The following ARHGAP32 variants were observed in gnomAD, a reference collection of about 807,000 sequenced individuals.
ARHGAP32 encodes the protein Rho GTPase activating protein 32.
A neutral mutation model predicts 186.5 loss-of-function variants in ARHGAP32; 51 were observed. The ratio of observed to expected loss-of-function variants is 0.27; its 90% CI spans 0.22 to 0.35. ARHGAP32 has a LOEUF of 0.35. Ranked by LOEUF, ARHGAP32 falls within the 10% of genes least tolerant of loss-of-function variation. ARHGAP32 has a pLI of 1.00. For synonymous variants in ARHGAP32, 950 were observed against 964.3 expected (o/e 0.99, Z 0.27); for missense variants, 2,186 against 2,623.5 (o/e 0.83, Z 3.64).
At chr11:129,080,517 G>A (rs1451698864) in intron 6 of ARHGAP32, among the ~76,000 whole-genome samples, 4 of 152,094 alleles carry the variant, frequency 2.6e-5, no homozygotes, top group African/African-American at 7.2e-5. Flanking sequence ...GGTCAACAAT[G>A]AAATTAAGAT....
intron 5 of ARHGAP32, among the ~76,000 whole-genome samples, chr11:129,118,367 C>A (rs1942430446): frequency 6.6e-6 from 1 of 151,266 alleles, no homozygotes; most frequent in African/African-American, 2.4e-5. Context: ...ATTCAAGAAA[C>A]AAAAGGAAAG....
At position 129,168,931 on chromosome 11, in the gene ARHGAP32, C is replaced by T. The variant is rs180703720; in HGVS notation, c.117-4504G>A. ...TAACTCATAAATCAAACATAAAAAT[C>T]ACAATGGAAATTAGAAAGTCTTTTT... On this transcript the variant is annotated intron_variant, in intron 1 of 22. Coordinates refer to ENST00000682385, the MANE Select transcript of ARHGAP32 (RefSeq NM_001378024.1). Among the ~76,000 whole-genome samples, 66 of 151,892 alleles carry T rather than the reference C, an allele frequency of 4.3e-4. 2 individuals carry two copies. In the East Asian group the frequency reaches 0.012, roughly 28 times the overall value.
intron 1 of ARHGAP32, among the ~76,000 whole-genome samples, chr11:129,268,338 A>G (rs904586972): frequency 6.6e-5 from 10 of 152,206 alleles, no homozygotes; most frequent in African/African-American, 2.4e-4. Context: ...TAGTGTTCCA[A>G]TTTCATAGAA....
intron 1 of ARHGAP32, among the ~76,000 whole-genome samples, chr11:129,258,718 C>G (rs1214402831): frequency 6.6e-6 from 1 of 152,156 alleles, no homozygotes; most frequent in Admixed American, 6.5e-5. Context: ...AATCGAGACT[C>G]AAAGCTAAAC....
chr11:129,069,272 A>C (rs1460670169), intron 6 of ARHGAP32, among the ~76,000 whole-genome samples: 1 of 152,076 alleles, frequency 6.6e-6, no homozygotes, highest in African/African-American at 2.4e-5. Context: ...CTAGGACCAC[A>C]ATGTCCCAAT....
intron 15 of ARHGAP32, 41 bp downstream of exon 15, chr11:128,985,962 C>T (rs761165320): frequency 4.3e-5 from 64 of 1,495,214 alleles, no homozygotes; most frequent in East Asian, 2.6e-5. Context: ...ACAGGTCAAC[C>T]GACTTCTACC....
At chr11:129,011,367 C>T (rs1215519283) in intron 11 of ARHGAP32, among the ~76,000 whole-genome samples, 1 of 152,096 alleles carries the variant, frequency 6.6e-6, no homozygotes, top group Non-Finnish European at 1.5e-5. Flanking sequence ...ATGATACTGC[C>T]TAAATGAAGG....
intron 11 of ARHGAP32, among the ~76,000 whole-genome samples, chr11:129,004,325 C>T (rs1236041868): frequency 2.1e-5 from 3 of 144,182 alleles, no homozygotes; most frequent in Non-Finnish European, 4.5e-5. Flanking sequence ...AATCCACATG[C>T]TGAGGAGAAG....
At chr11:129,175,314 G>T (rs1434299164) in intron 1 of ARHGAP32, among the ~76,000 whole-genome samples, 8 of 47,162 alleles carry the variant, frequency 1.7e-4, no homozygotes, top group African/African-American at 7.1e-4. Flanking sequence ...ATCTATGTCT[G>T]ATTGGTGTAC....
chr11:129,033,595 C>T (rs1235284756), intron 11 of ARHGAP32, among the ~76,000 whole-genome samples: 3 of 152,126 alleles, frequency 2.0e-5, no homozygotes, highest in Non-Finnish European at 4.4e-5. Context: ...TGATAAAGTT[C>T]TTCCTTTTAA....
At chr11:129,151,293 A>C (rs1457351972) in intron 2 of ARHGAP32, among the ~76,000 whole-genome samples, 1 of 152,198 alleles carries the variant, frequency 6.6e-6, no homozygotes, top group Non-Finnish European at 1.5e-5. Context: ...GGGAAATTCA[A>C]TATTCCACTG....
In ARHGAP32 at chr11:129,063,923, G is replaced by A. The variant is rs572001785; in HGVS notation, c.864C>T (p.Ala288=). The A allele has an allele frequency of 3.1e-6, 5 of 1,610,940 alleles. No individual in the cohort carries two copies. In the African/African-American group the frequency reaches 5.4e-5, roughly 17 times the overall value. The part of the protein sequence containing the change: ...AHVIKRYTAR[A]PDELTLEVGD... The stretch of plus-strand genomic sequence containing the variant: ...TTACCTCTAAGGTCAGTTCGTCAGG[G>A]GCCCGAGCAGTGTACCTCTTGATAA... The change falls in exon 9 of 23, where the codon GCC becomes GCT. Residue 288 remains alanine (A), a synonymous_variant. Transcript: ENST00000682385.
chr11:129,225,148 G>T (rs1276431104), intron 1 of ARHGAP32, among the ~76,000 whole-genome samples: 1 of 152,084 alleles, frequency 6.6e-6, no homozygotes, highest in Non-Finnish European at 1.5e-5. Flanking sequence ...TAATGTTGTG[G>T]CTGCCTGAAA....
At chr11:129,149,306 C>T (rs1943239706) in intron 2 of ARHGAP32, among the ~76,000 whole-genome samples, 1 of 152,192 alleles carries the variant, frequency 6.6e-6, no homozygotes, top group Non-Finnish European at 1.5e-5. Flanking sequence ...CTCCATTTGA[C>T]AACTTTACTG....
At chr11:129,227,706 T>C (rs370456489) in intron 1 of ARHGAP32, among the ~76,000 whole-genome samples, 4 of 152,148 alleles carry the variant, frequency 2.6e-5, no homozygotes, top group African/African-American at 7.2e-5. Flanking sequence ...AGAGGTAAAT[T>C]TGTAGCAGAC....
intron 1 of ARHGAP32, among the ~76,000 whole-genome samples, chr11:129,191,305 T>G (rs1433597784): frequency 1.3e-5 from 2 of 151,658 alleles, no homozygotes; most frequent in African/African-American, 4.8e-5. Context: ...TACTCAAAGG[T>G]ATTACATCGC....
chr11:129,169,414 G>A lies in ARHGAP32; in HGVS notation c.117-4987C>T, dbSNP rs549774309. Among the ~76,000 whole-genome samples the A allele has an allele frequency of 1.3e-4, 20 of 152,008 alleles. No homozygotes were observed. The East Asian group carries it at 3.3e-3, about 25-fold the overall frequency. On this transcript the variant is annotated intron_variant, in intron 1 of 22. Coordinates refer to ENST00000682385, the MANE Select transcript of ARHGAP32 (RefSeq NM_001378024.1). ...TGGGAGGCTGAGGCGGGTGGATCACGAGGTCAGGAGATCAAGACCATCCTG... is the reference window on the plus strand; with the variant it reads ...TGGGAGGCTGAGGCGGGTGGATCACAAGGTCAGGAGATCAAGACCATCCTG...
chr11:129,214,128 A>G (rs1944615069), intron 1 of ARHGAP32, among the ~76,000 whole-genome samples: 1 of 152,168 alleles, frequency 6.6e-6, no homozygotes, highest in Non-Finnish European at 1.5e-5. Context: ...GGAAAGTCTG[A>G]GAAACTGTCA....
At chr11:129,252,773 G>A (rs1269339185) in intron 1 of ARHGAP32, among the ~76,000 whole-genome samples, 1 of 152,180 alleles carries the variant, frequency 6.6e-6, no homozygotes, top group Non-Finnish European at 1.5e-5. Flanking sequence ...CTACCTCCTT[G>A]TTCCAATGGA....
Sources: gnomAD v4.1 joint callset for allele counts (sites outside exome capture counted in the v4.1 genomes callset) on GRCh38, gnomAD v4.1.1 for gene constraint, MANE v1.5 for transcripts, NCBI Gene and HGNC (gene_info 2026-07-23, HGNC 2026-07-21) for gene names.